Variants in MVD observed in about 807,000 individuals in gnomAD.
MVD encodes the protein mevalonate diphosphate decarboxylase.
A neutral mutation model predicts 42.4 loss-of-function variants in MVD; 52 were observed. The ratio of observed to expected loss-of-function variants is 1.23; its 90% CI spans 0.98 to 1.55. The LOEUF is 1.55. Ranked by LOEUF, MVD falls within the 40% of genes most tolerant of loss-of-function variation. MVD has a pLI of 0.00. For synonymous variants in MVD, 287 were observed against 243.2 expected (o/e 1.18, Z -1.68); for missense variants, 663 against 572.1 (o/e 1.16, Z -1.62).
chr16:88,658,845 A>C, intron 1 of MVD, 125 bp from the exon 2 acceptor site: 2 of 693,128 alleles, frequency 2.9e-6, no homozygotes, highest in South Asian at 1.6e-5. Context: ...CTCACCGCAC[A>C]ACCTGTGTGC....
intron 1 of MVD, among the ~76,000 whole-genome samples, chr16:88,659,549 A>G (rs1005923656): frequency 1.3e-5 from 2 of 152,204 alleles, no homozygotes; most frequent in Non-Finnish European, 2.9e-5. Flanking sequence ...GCTGTGGGAC[A>G]GTGCAGGGGG....
intron 5 of MVD, 127 bp from the exon 6 acceptor site, chr16:88,655,857 T>C (rs1385472932): frequency 3.2e-6 from 4 of 1,240,552 alleles, no homozygotes; most frequent in Non-Finnish European, 4.5e-6. Flanking sequence ...GCCACCTGCC[T>C]GACCACAGAG....
intron 4 of MVD, 71 bp downstream of exon 4, chr16:88,657,365 A>C: frequency 3.7e-5 from 56 of 1,504,242 alleles, no homozygotes; most frequent in Non-Finnish European, 4.8e-5. Flanking sequence ...GGGCTCCCTG[A>C]CCCGGGAAGA....
Position 88,655,426 on chromosome 16 carries a change from C to A in MVD, c.679-9G>T. The A allele has an allele frequency of 6.4e-7, 1 of 1,561,020 alleles. No individual in the cohort carries two copies. The highest frequency in any genetic ancestry group is 8.6e-7 in the Non-Finnish European group (1 of 1,157,880). ...ACGGACTCGGCCCGGAACTGCAAGGCACAGGGTGTTTCCCATGGAGCCGCT... is the reference window on the plus strand; with the variant it reads ...ACGGACTCGGCCCGGAACTGCAAGGAACAGGGTGTTTCCCATGGAGCCGCT... On this transcript the variant is annotated splice_polypyrimidine_tract_variant and intron_variant, in intron 6 of 9. Coordinates refer to ENST00000301012, the MANE Select transcript of MVD (RefSeq NM_002461.3).
chr16:88,654,226 C>T (rs757301260), intron 8 of MVD, among the ~76,000 whole-genome samples: 111 of 152,152 alleles, frequency 7.3e-4, no homozygotes, highest in Non-Finnish European at 9.7e-4. Flanking sequence ...TGCCGGACCC[C>T]ACCCAAGAAA....
At chr16:88,659,849 C>A (rs1414905242) in intron 1 of MVD, among the ~76,000 whole-genome samples, 2 of 151,996 alleles carry the variant, frequency 1.3e-5, no homozygotes, top group Non-Finnish European at 1.5e-5. Context: ...CGCCTGTTAT[C>A]CCAGCTACTC....
Position 88,653,299 on chromosome 16 carries a change from C to T in MVD, c.1122+1G>A. 3 of 1,598,352 alleles carry T rather than the reference C, an allele frequency of 1.9e-6. No homozygotes were observed. Among genetic ancestry groups the T allele is most frequent in the Non-Finnish European group, 2.6e-6 (3 of 1,175,024 alleles). ...GGTACTGGGTGAGCCCCAGGCCTCA[C>T]CTGAGTGACAATGATGTATTTGACC... On this transcript the variant is annotated splice_donor_variant, in intron 9 of 9. Transcript: ENST00000301012. LOFTEE classifies it high-confidence loss of function.
At chr16:88,658,951 C>A in intron 1 of MVD, 1 of 545,566 alleles carries the variant, frequency 1.8e-6, no homozygotes, top group Admixed American at 3.1e-5. Context: ...ACCTCCGTCC[C>A]CGCTCCCCAT....
intron 2 of MVD, 58 bp from the exon 3 acceptor site, chr16:88,658,087 G>A: frequency 6.5e-7 from 1 of 1,537,304 alleles, no homozygotes; most frequent in East Asian, 2.3e-5. Flanking sequence ...ATGCCAGCCA[G>A]GTACCCCTTT....
Position 88,663,008 on chromosome 16 carries a change from C to T in MVD, c.70+3G>A, listed in dbSNP as rs375685820. On this transcript the variant is annotated splice_donor_region_variant and intron_variant, in intron 1 of 9. Coordinates refer to ENST00000301012, the MANE Select transcript of MVD (RefSeq NM_002461.3). ...CCGTCCCAGGCCGGCCCGCGGCACTCACAGTACTTGATGACCGCGATGTTG... is the reference window on the plus strand; with the variant it reads ...CCGTCCCAGGCCGGCCCGCGGCACTTACAGTACTTGATGACCGCGATGTTG... The T allele has an allele frequency of 3.6e-5, 58 of 1,602,336 alleles. No individual in the cohort carries two copies. Among genetic ancestry groups the T allele is most frequent in the Non-Finnish European group, 4.8e-5 (56 of 1,175,388 alleles).
chr16:88,655,558 G>C, intron 6 of MVD, 98 bp downstream of exon 6: 6 of 1,514,180 alleles, frequency 4.0e-6, no homozygotes, highest in Non-Finnish European at 5.3e-6. Context: ...CGGGGCTGCC[G>C]CAGGTGTGAG....
Position 88,655,415 on chromosome 16 carries a change from G to C in MVD, c.681C>G (p.Phe227Leu). ...ASVETSPLLR[F>L]RAESVVPARM... ...GCGCGGGCACCACGGACTCGGCCCG[G>C]AACTGCAAGGCACAGGGTGTTTCCC... The change falls in exon 7 of 10, where the codon TTC becomes TTG. Residue 227 changes from phenylalanine (F) to leucine (L), a missense_variant and splice_region_variant. Coordinates refer to ENST00000301012, the MANE Select transcript of MVD (RefSeq NM_002461.3). 1.3e-6 allele frequency: 2 copies of C among 1,567,830 alleles called. No individual in the cohort carries two copies. Among genetic ancestry groups the C allele is most frequent in the Non-Finnish European group, 1.7e-6 (2 of 1,161,004 alleles).
Position 88,658,694 on chromosome 16 carries a change from G to T in MVD, c.97C>A (p.Leu33Met). Reference protein sequence around the residue: ...YWGKRDEELVLPINSSLSVTL... With the variant: ...YWGKRDEELVMPINSSLSVTL... Reference sequence around the variant, plus strand: ...ACGCTCAGGGAGGAGTTGATGGGCAGAACCAGCTCTTCATCGCGCTTGCCC... The same window carrying T: ...ACGCTCAGGGAGGAGTTGATGGGCATAACCAGCTCTTCATCGCGCTTGCCC... The change falls in exon 2 of 10, where the codon CTG becomes ATG. Residue 33 changes from leucine to methionine, a missense_variant. Leu to Met is a conservative substitution (Grantham distance 15). Coordinates refer to ENST00000301012, the MANE Select transcript of MVD (RefSeq NM_002461.3). 1 of 1,613,606 alleles carries T rather than the reference G, an allele frequency of 6.2e-7. No homozygotes were observed. Among genetic ancestry groups the T allele is most frequent in the South Asian group, 1.1e-5 (1 of 90,982 alleles).
At chr16:88,655,095 A>G in intron 7 of MVD, 104 bp downstream of exon 7, 1 of 1,321,616 alleles carries the variant, frequency 7.6e-7, no homozygotes, top group Non-Finnish European at 1.0e-6. Context: ...GCTTTCAGAC[A>G]CAGATTGCCC....
Position 88,655,422 on chromosome 16 carries a change from A to G in MVD, c.679-5T>C. The G allele has an allele frequency of 6.4e-7, 1 of 1,563,750 alleles. No homozygotes were observed. Among genetic ancestry groups the G allele is most frequent in the Non-Finnish European group, 8.6e-7 (1 of 1,159,160 alleles). On this transcript the variant is annotated splice_polypyrimidine_tract_variant and splice_region_variant and intron_variant, in intron 6 of 9. Transcript: ENST00000301012. ...CACCACGGACTCGGCCCGGAACTGC[A>G]AGGCACAGGGTGTTTCCCATGGAGC...
chr16:88,655,197 A>AC lies in MVD; in HGVS notation c.897+1dup. On this transcript the variant is annotated splice_donor_variant, in intron 7 of 9. Transcript: ENST00000301012. ...AGCCTCTGCCCTCCCGGCCCGCGTCACCTTGGTGTCCCCGTGGTGGGCGTT... is the reference window on the plus strand; with the variant it reads ...AGCCTCTGCCCTCCCGGCCCGCGTCACCCTTGGTGTCCCCGTGGTGGGCGTT... 3.2e-6 allele frequency: 5 copies of AC among 1,557,638 alleles called. No individual in the cohort carries two copies. The highest frequency in any genetic ancestry group is 4.3e-6 in the Non-Finnish European group (5 of 1,150,716).
chr16:88,660,899 A>G (rs8051773), intron 1 of MVD: 139,163 of 149,438 alleles, frequency 0.93, 65,606 homozygotes, highest in East Asian at 1. Flanking sequence ...CCAAATACTC[A>G]GAAGACTAAG....
Position 88,654,598 on chromosome 16 carries a change from C to G in MVD, c.1013+94G>C, listed in dbSNP as rs901355609. 4 of 1,290,596 alleles carry G rather than the reference C, an allele frequency of 3.1e-6. No homozygotes were observed. The East Asian group carries it at 1.1e-4, about 36-fold the overall frequency. 79.9% of individuals were successfully genotyped at this position (1,290,596 alleles called of 1,614,324 possible). A position where few individuals can be genotyped will look rare whatever the true frequency, so the allele number is the denominator to read the frequency against. The stretch of plus-strand genomic sequence containing the variant: ...TGCTGCCTGCCCTGGGACTCCCTGT[C>G]TCAGCGCCACAGCCTTCAGGTGCCT... On this transcript the variant is annotated intron_variant, in intron 8 of 9. Coordinates refer to ENST00000301012, the MANE Select transcript of MVD (RefSeq NM_002461.3).
At chr16:88,654,994 A>G in intron 7 of MVD, 187 bp from the exon 8 acceptor site, 1 of 848,720 alleles carries the variant, frequency 1.2e-6, no homozygotes, top group South Asian at 1.8e-5. Flanking sequence ...CCCAGGAAGA[A>G]GGTGGTGGGG....
Sources: allele counts gnomAD v4.1 joint callset (sites outside exome capture counted in the v4.1 genomes callset), GRCh38; gene constraint gnomAD v4.1.1; transcripts MANE v1.5; gene names NCBI Gene and HGNC (gene_info 2026-07-23, HGNC 2026-07-21).